Variants in CBL observed in about 807,000 individuals in gnomAD.
CBL encodes E3 ubiquitin-protein ligase CBL.
Under a neutral mutation model 96.9 loss-of-function variants are expected in CBL, and 45 were observed. The ratio of observed to expected loss-of-function variants is 0.46; its 90% CI spans 0.37 to 0.60. The LOEUF is 0.60. Ranked by LOEUF, CBL falls within the 20% of genes least tolerant of loss-of-function variation. CBL has a pLI of 0.00. For synonymous variants in CBL, 420 were observed against 426.8 expected (o/e 0.98, Z 0.20); for missense variants, 1,024 against 1,143.5 (o/e 0.90, Z 1.51).
At chr11:119,214,923 G>T (rs1949346877) in intron 1 of CBL, among the ~76,000 whole-genome samples, 1 of 138,974 alleles carries the variant, frequency 7.2e-6, no homozygotes. Flanking sequence ...TTTTTAGTGA[G>T]TGCTCATTAA....
intron 2 of CBL, among the ~76,000 whole-genome samples, chr11:119,235,092 T>A (rs1448129658): frequency 6.6e-6 from 1 of 152,170 alleles, no homozygotes; most frequent in Non-Finnish European, 1.5e-5. Context: ...CAGGTTTATT[T>A]TAAAGAGCAT....
intron 1 of CBL, among the ~76,000 whole-genome samples, chr11:119,209,728 G>A (rs1565852675): frequency 6.6e-6 from 1 of 152,116 alleles, no homozygotes; most frequent in African/African-American, 2.4e-5. Context: ...TATTATTCCA[G>A]CCAACTCTTA....
At chr11:119,234,089 C>G (rs11217200) in intron 2 of CBL, among the ~76,000 whole-genome samples, 29,347 of 152,120 alleles carry the variant, frequency 0.19, 3,583 homozygotes, top group East Asian at 0.38. Flanking sequence ...TCACCGCAAC[C>G]TCCGCCTCTT....
rs1057519031 is a variant in CBL, at chr11:119,296,978, G to A, written c.2097G>A (p.Glu699=). The change falls in exon 13 of 16, where the codon GAG becomes GAA. Residue 699 remains glutamate (E), a synonymous_variant. Coordinates refer to ENST00000264033, the MANE Select transcript of CBL (RefSeq NM_005188.4). Reference sequence around the variant, plus strand: ...AATGTGAGGGTGAAGAGGACACAGAGTACATGACTCCCTCTTCCAGGCCTC... The same window carrying A: ...AATGTGAGGGTGAAGAGGACACAGAATACATGACTCCCTCTTCCAGGCCTC... ...GEQCEGEEDT[E]YMTPSSRPLR... 3.1e-6 allele frequency: 5 copies of A among 1,612,532 alleles called. No homozygotes were observed. In the African/African-American group the frequency reaches 5.3e-5, roughly 17 times the overall value.
intron 1 of CBL, among the ~76,000 whole-genome samples, chr11:119,221,766 C>CAAA (rs199581991): frequency 3.2e-5 from 2 of 62,014 alleles, no homozygotes; most frequent in Non-Finnish European, 3.4e-5. Context: ...GACTCCGTCT[C>CAAA]AAAAAAAAAA....
chr11:119,284,883 G>GT, intron 9 of CBL, 86 bp from the exon 10 acceptor site: 1 of 1,511,336 alleles, frequency 6.6e-7, no homozygotes, highest in Non-Finnish European at 9.2e-7. Context: ...TGTTCCCATG[G>GT]TATTTGCCAT....
In CBL at chr11:119,214,235, G is replaced by T. The variant is rs374473055; in HGVS notation, c.195+7623G>T. Among the ~76,000 whole-genome samples the T allele has an allele frequency of 6.0e-5, 9 of 150,690 alleles. 1 individual carries two copies. Among genetic ancestry groups the T allele is most frequent in the African/African-American group, 2.2e-4 (9 of 41,122 alleles). ...TGGGATTACAGGCATGAGCCACCCCGCCCGGACTTTTTTTTTTTTTTTAAA... is the reference window on the plus strand; with the variant it reads ...TGGGATTACAGGCATGAGCCACCCCTCCCGGACTTTTTTTTTTTTTTTAAA... On this transcript the variant is annotated intron_variant, in intron 1 of 15. Transcript: ENST00000264033.
At position 119,303,034 on chromosome 11, in the gene CBL, G is replaced by A. The variant is rs1177361182; in HGVS notation, c.*3253G>A. On this transcript the variant is annotated 3_prime_UTR_variant, in exon 16 of 16. Transcript: ENST00000264033. ...CTGGTTAAGGGAGGTGGGGGTCACT[G>A]TTCATCACTCTTAAAATATGTGTTT... The A allele has an allele frequency of 4.3e-6, 1 of 229,978 alleles. No individual in the cohort carries two copies. The highest frequency in any genetic ancestry group is 8.6e-6 in the Non-Finnish European group (1 of 115,874). The allele number at this position is 229,978 out of a possible 1,614,324, so 14.2% of individuals were successfully genotyped here.
chr11:119,289,941 G>A (rs1322054590), intron 12 of CBL, among the ~76,000 whole-genome samples: 1 of 152,070 alleles, frequency 6.6e-6, no homozygotes, highest in African/African-American at 2.4e-5. Context: ...ATAGAGACAA[G>A]GTCTAGCTGT....
chr11:119,235,020 A>G (rs1949532493), intron 2 of CBL, among the ~76,000 whole-genome samples: 1 of 152,186 alleles, frequency 6.6e-6, no homozygotes, highest in African/African-American at 2.4e-5. Context: ...TTGAAGTCAG[A>G]TTGTAAAGGG....
At chr11:119,246,528 C>T (rs1051444367) in intron 2 of CBL, among the ~76,000 whole-genome samples, 21 of 151,558 alleles carry the variant, frequency 1.4e-4, no homozygotes, top group African/African-American at 4.4e-4. Context: ...CTCAGCTCAC[C>T]GCAACCTCCG....
intron 9 of CBL, among the ~76,000 whole-genome samples, chr11:119,281,999 A>G (rs1427035890): frequency 6.6e-6 from 1 of 152,090 alleles, no homozygotes; most frequent in Non-Finnish European, 1.5e-5. Flanking sequence ...CCATTTATAA[A>G]TTTATAAAGG....
At chr11:119,220,442 C>T (rs1565856305) in intron 1 of CBL, among the ~76,000 whole-genome samples, 1 of 152,042 alleles carries the variant, frequency 6.6e-6, no homozygotes, top group Admixed American at 6.6e-5. Context: ...GACCCTGTGT[C>T]TAAAAAAATA....
At chr11:119,243,550 G>A (rs1949603353) in intron 2 of CBL, among the ~76,000 whole-genome samples, 1 of 145,578 alleles carries the variant, frequency 6.9e-6, no homozygotes, top group Admixed American at 6.9e-5. Context: ...GAAGAGTAAC[G>A]ATATGACAAT....
intron 1 of CBL, among the ~76,000 whole-genome samples, chr11:119,214,892 A>G (rs1949346167): frequency 7.1e-6 from 1 of 141,338 alleles, no homozygotes; most frequent in Non-Finnish European, 1.5e-5. Flanking sequence ...TCTGGTAGGG[A>G]ATTTTTTTTT....
At chr11:119,275,641 A>T (rs932402644) in intron 5 of CBL, among the ~76,000 whole-genome samples, 5 of 152,134 alleles carry the variant, frequency 3.3e-5, no homozygotes, top group East Asian at 1.9e-4. Context: ...AGGTGGGCAG[A>T]TACTTGAGAT....
chr11:119,278,770 G>A (rs548617301), intron 9 of CBL, 57 bp downstream of exon 9: 54 of 1,338,070 alleles, frequency 4.0e-5, no homozygotes, highest in South Asian at 3.5e-4. Flanking sequence ...TTCTAAAGCC[G>A]TAAAACACTT....
At chr11:119,244,088 T>G (rs1949606854) in intron 2 of CBL, among the ~76,000 whole-genome samples, 1 of 152,206 alleles carries the variant, frequency 6.6e-6, no homozygotes, top group South Asian at 2.1e-4. Context: ...CAGCACGAAT[T>G]CACAAGAACA....
Position 119,212,170 on chromosome 11 carries a change from C to T in CBL, c.195+5558C>T, listed in dbSNP as rs542902682. 9.2e-5 allele frequency among the ~76,000 whole-genome samples: 14 copies of T among 151,996 alleles called. No homozygotes were observed. In the East Asian group the frequency reaches 2.3e-3, roughly 25 times the overall value. The stretch of plus-strand genomic sequence containing the variant: ...CTGACCTCAGGTGATCTGCCTGCCT[C>T]GGTCTTCCAAAGTGAGCCACCACGC... On this transcript the variant is annotated intron_variant, in intron 1 of 15. Coordinates refer to ENST00000264033, the MANE Select transcript of CBL (RefSeq NM_005188.4).
Sources: gnomAD v4.1 joint callset for allele counts (sites outside exome capture counted in the v4.1 genomes callset) on GRCh38, gnomAD v4.1.1 for gene constraint, MANE v1.5 for transcripts, NCBI Gene and HGNC (gene_info 2026-07-23, HGNC 2026-07-21) for gene names.